Variants in ITGA9 observed in about 807,000 individuals in gnomAD.
The protein encoded by ITGA9 is integrin alpha-9.
A neutral mutation model predicts 127.8 loss-of-function variants in ITGA9; 56 were observed. That is an observed-to-expected ratio of 0.44 (90% CI 0.35 to 0.55). The LOEUF (loss-of-function observed/expected upper bound fraction) is 0.55, where lower values mean the gene tolerates loss of function less well. Among genes scored for constraint, ITGA9 ranks in the 20% least tolerant of loss-of-function variants. ITGA9 has a pLI of 0.00. For synonymous variants in ITGA9, 508 were observed against 514.5 expected, an observed-to-expected ratio of 0.99 and a Z score of 0.17; for missense variants, 1,196 against 1,347.1, an observed-to-expected ratio of 0.89 and a Z score of 1.76.
chr3:37,721,820 C>A (rs772168117), intron 18 of ITGA9, among the ~76,000 whole-genome samples: 10 of 152,188 alleles, frequency 6.6e-5, no homozygotes, highest in Non-Finnish European at 1.2e-4. Context: ...CTTCAGACTC[C>A]ATTTCCATGA....
At chr3:37,774,545 AAG>A (rs1696883526) in intron 23 of ITGA9, among the ~76,000 whole-genome samples, 2 of 151,404 alleles carry the variant, frequency 1.3e-5, no homozygotes, top group Non-Finnish European at 2.9e-5. Context: ...AAAAAAAAAA[AAG>A]AAACCAGCAA....
At chr3:37,610,667 GATCA>G (rs1161243288) in intron 15 of ITGA9, among the ~76,000 whole-genome samples, 18 of 152,228 alleles carry the variant, frequency 1.2e-4, no homozygotes, top group Non-Finnish European at 2.5e-4. Context: ...GCACATTGGT[GATCA>G]ATCAATGTTA....
intron 2 of ITGA9, among the ~76,000 whole-genome samples, chr3:37,472,063 A>T (rs1698437031): frequency 6.6e-6 from 1 of 152,128 alleles, no homozygotes; most frequent in Non-Finnish European, 1.5e-5. Flanking sequence ...CTCCAAAAAG[A>T]TAAAAAAATA....
chr3:37,780,072 GTTGA>G, intron 25 of ITGA9, 51 bp downstream of exon 25: 1 of 1,607,264 alleles, frequency 6.2e-7, no homozygotes. Flanking sequence ...CATTTGAATT[GTTGA>G]CATCTGATTT....
intron 15 of ITGA9, among the ~76,000 whole-genome samples, chr3:37,578,659 A>G (rs879511226): frequency 6.6e-6 from 1 of 152,114 alleles, no homozygotes; most frequent in Non-Finnish European, 1.5e-5. Flanking sequence ...TTGGATTTAG[A>G]TGGGCTCAGG....
At chr3:37,706,221 C>A (rs1701003891) in intron 18 of ITGA9, among the ~76,000 whole-genome samples, 1 of 152,226 alleles carries the variant, frequency 6.6e-6, no homozygotes, top group East Asian at 1.9e-4. Context: ...CTCTTCCTTG[C>A]TGTCTCTTCA....
At chr3:37,595,023 C>G (rs982486375) in intron 15 of ITGA9, among the ~76,000 whole-genome samples, 4 of 152,160 alleles carry the variant, frequency 2.6e-5, no homozygotes, top group African/African-American at 9.7e-5. Context: ...TTCTGGTTCT[C>G]CCTAGTCATC....
At chr3:37,731,045 A>G (rs1414677858) in intron 18 of ITGA9, among the ~76,000 whole-genome samples, 5 of 152,294 alleles carry the variant, frequency 3.3e-5, no homozygotes, top group Non-Finnish European at 7.4e-5. Context: ...ACTGAAGGGG[A>G]AGGAAAGCTC....
chr3:37,461,721 C>T (rs1235894425), intron 1 of ITGA9, among the ~76,000 whole-genome samples: 1 of 152,188 alleles, frequency 6.6e-6, no homozygotes, highest in Non-Finnish European at 1.5e-5. Context: ...CATAAATCTG[C>T]ATTTTTGTGC....
chr3:37,482,575 T>C (rs1366515983), intron 4 of ITGA9, among the ~76,000 whole-genome samples: 5 of 152,248 alleles, frequency 3.3e-5, no homozygotes, highest in Admixed American at 1.3e-4. Flanking sequence ...CTCACTGGCT[T>C]ATGTCCACAT....
chr3:37,769,951 AGTGGGACAGAGCATCCTG>A (rs1448675810), intron 23 of ITGA9, among the ~76,000 whole-genome samples: 1 of 152,160 alleles, frequency 6.6e-6, no homozygotes, highest in East Asian at 1.9e-4. Flanking sequence ...AGGAAGATGG[AGTGGGACAGAGCATCCTG>A]GTGGGGATTT....
In ITGA9 at chr3:37,590,873, C is replaced by T. The variant is rs574036266; in HGVS notation, c.1690-38314C>T. 3.3e-5 allele frequency among the ~76,000 whole-genome samples: 5 copies of T among 152,290 alleles called. No individual in the cohort carries two copies. In the East Asian group the frequency reaches 9.7e-4, roughly 30 times the overall value. ...GTCCCACCCCTACTCCACATAGATG[C>T]AGGGCACCCTGCAGCTTTGTTTCAG... is the stretch of plus-strand genomic sequence containing the variant. On this transcript the variant is annotated intron_variant, in intron 15 of 27. Transcript: ENST00000264741.
At chr3:37,770,907 C>T (rs1696834705) in intron 23 of ITGA9, among the ~76,000 whole-genome samples, 1 of 152,196 alleles carries the variant, frequency 6.6e-6, no homozygotes, top group Non-Finnish European at 1.5e-5. Flanking sequence ...TTTCAGTTTG[C>T]ACAATGTCCT....
chr3:37,515,021 G>A (rs559102999), intron 9 of ITGA9, among the ~76,000 whole-genome samples: 1 of 152,318 alleles, frequency 6.6e-6, no homozygotes, highest in South Asian at 2.1e-4. Flanking sequence ...CAGTGAGAAA[G>A]CAGTCTTTTC....
chr3:37,688,066 G>A (rs1045835908), intron 18 of ITGA9, among the ~76,000 whole-genome samples: 2 of 152,206 alleles, frequency 1.3e-5, no homozygotes, highest in African/African-American at 4.8e-5. Context: ...ATTCATCATG[G>A]AGAACCATTC....
At chr3:37,578,480 G>A (rs149128047) in intron 15 of ITGA9, among the ~76,000 whole-genome samples, 2 of 152,284 alleles carry the variant, frequency 1.3e-5, no homozygotes, top group African/African-American at 4.8e-5. Context: ...TCCATCTTCA[G>A]TCTTGACTTG....
Position 37,634,436 on chromosome 3 carries a change from C to A in ITGA9, c.1839+5100C>A, listed in dbSNP as rs2125637604. On this transcript the variant is annotated intron_variant, in intron 16 of 27. Coordinates refer to ENST00000264741, the MANE Select transcript of ITGA9 (RefSeq NM_002207.3). ...GAAAAAAATTCTATGCAAATGGAAACCAACACAGAGCAGGAGTAGACTTTA... is the reference window on the plus strand; with the variant it reads ...GAAAAAAATTCTATGCAAATGGAAAACAACACAGAGCAGGAGTAGACTTTA... 2.0e-5 allele frequency among the ~76,000 whole-genome samples: 3 copies of A among 151,834 alleles called. No homozygotes were observed. The Middle Eastern group carries it at 0.01, about 520-fold the overall frequency.
At chr3:37,677,719 T>C (rs1315851641) in intron 17 of ITGA9, among the ~76,000 whole-genome samples, 1 of 152,222 alleles carries the variant, frequency 6.6e-6, no homozygotes, top group Non-Finnish European at 1.5e-5. Context: ...GTCATTTAAC[T>C]GTCTGCCTTT....
intron 11 of ITGA9, among the ~76,000 whole-genome samples, chr3:37,520,141 G>A (rs889444058): frequency 6.6e-6 from 1 of 152,162 alleles, no homozygotes; most frequent in African/African-American, 2.4e-5. Flanking sequence ...GTAAATGCAA[G>A]TACAACTTCT....
Sources: gnomAD v4.1 joint callset for allele counts (sites outside exome capture counted in the v4.1 genomes callset) on GRCh38, gnomAD v4.1.1 for gene constraint, MANE v1.5 for transcripts, NCBI Gene and HGNC (gene_info 2026-07-23, HGNC 2026-07-21) for gene names.